Variants in SLC44A5 observed in about 807,000 individuals in gnomAD.
The protein encoded by SLC44A5 is solute carrier family 44 member 5, also known as choline transporter-like protein 5.
SLC44A5 carries 57 observed loss-of-function variants against 101.8 expected under a neutral mutation model. The ratio of observed to expected loss-of-function variants is 0.56; its 90% CI spans 0.45 to 0.70. The LOEUF is 0.70. SLC44A5 is among the 30% of genes least tolerant of loss of function. SLC44A5 has a pLI of 0.00. For missense variants in SLC44A5, 737 were observed against 853.1 expected, an observed-to-expected ratio of 0.86 and a Z score of 1.70; for synonymous variants, 281 against 290.9, an observed-to-expected ratio of 0.97 and a Z score of 0.35.
At chr1:75,416,634 C>T (rs1045153129) in intron 2 of SLC44A5, among the ~76,000 whole-genome samples, 27 of 152,154 alleles carry the variant, frequency 1.8e-4, no homozygotes, top group African/African-American at 4.8e-4. Context: ...TGCAGACACT[C>T]GACACCAGCC....
the SLC44A5 span, among the ~76,000 whole-genome samples, chr1:75,711,130 G>T: frequency 1.1e-4 from 17 of 152,076 alleles, no homozygotes; most frequent in African/African-American, 4.1e-4. Flanking sequence ...ATCATTTTGT[G>T]CCAGGCTATT....
intron 1 of SLC44A5, among the ~76,000 whole-genome samples, chr1:75,610,704 C>T (rs751854969): frequency 1.3e-5 from 2 of 151,814 alleles, no homozygotes; most frequent in Admixed American, 6.6e-5. Context: ...CATCTCAGCC[C>T]GAAATATTGT....
chr1:75,238,763 A>G (rs1015707483), intron 9 of SLC44A5, 127 bp from the exon 10 acceptor site: 6 of 525,302 alleles, frequency 1.1e-5, no homozygotes, highest in African/African-American at 9.8e-5. Flanking sequence ...CTCAATATAG[A>G]TAGCTCATTG....
At chr1:75,653,518 C>T in the SLC44A5 span, among the ~76,000 whole-genome samples, 2 of 152,034 alleles carry the variant, frequency 1.3e-5, no homozygotes, top group Admixed American at 1.3e-4. Flanking sequence ...AGAGCCAATC[C>T]AACATCTGAA....
At chr1:75,629,817 C>T in the SLC44A5 span, among the ~76,000 whole-genome samples, 3 of 151,916 alleles carry the variant, frequency 2.0e-5, no homozygotes, top group South Asian at 6.2e-4. Flanking sequence ...TTAATGAGAA[C>T]ATAAAATCAA....
chr1:75,216,326 C>T (rs1177768107), intron 18 of SLC44A5, among the ~76,000 whole-genome samples: 2 of 151,948 alleles, frequency 1.3e-5, no homozygotes. Context: ...GTACATAACA[C>T]ATTTTGTTTA....
intron 3 of SLC44A5, among the ~76,000 whole-genome samples, chr1:75,349,719 T>C (rs72682100): frequency 3.7e-4 from 57 of 152,266 alleles, no homozygotes; most frequent in Admixed American, 2.0e-3. Flanking sequence ...CAATAATTAA[T>C]AAAGTCTTGT....
intron 1 of SLC44A5, among the ~76,000 whole-genome samples, chr1:75,591,508 G>T (rs398851): frequency 0.67 from 102,533 of 151,940 alleles, 34,955 homozygotes; most frequent in East Asian, 0.84. Flanking sequence ...ATATTGTTCT[G>T]TAGTTTTCTT....
intron 2 of SLC44A5, 71 bp downstream of exon 2, chr1:75,541,364 A>G (rs1671347059): frequency 8.8e-7 from 1 of 1,142,024 alleles, no homozygotes; most frequent in African/African-American, 1.6e-5. Context: ...TCCTTATTTA[A>G]TATTAAATAA....
At chr1:75,635,863 G>C in the SLC44A5 span, among the ~76,000 whole-genome samples, 1 of 151,766 alleles carries the variant, frequency 6.6e-6, no homozygotes, top group Non-Finnish European at 1.5e-5. Flanking sequence ...TCTTGACTCT[G>C]CCATTTAATA....
At chr1:75,630,875 C>T in the SLC44A5 span, among the ~76,000 whole-genome samples, 2 of 152,160 alleles carry the variant, frequency 1.3e-5, no homozygotes, top group Admixed American at 1.3e-4. Flanking sequence ...TCTTTCAGGT[C>T]CCCAACTATG....
chr1:75,414,437 G>A (rs1663503087), intron 2 of SLC44A5, among the ~76,000 whole-genome samples: 1 of 151,836 alleles, frequency 6.6e-6, no homozygotes, highest in Admixed American at 6.6e-5. Flanking sequence ...TATTTACAGA[G>A]TATCTACATT....
intron 2 of SLC44A5, among the ~76,000 whole-genome samples, chr1:75,498,484 T>C (rs573463952): frequency 7.2e-5 from 11 of 152,294 alleles, no homozygotes; most frequent in Admixed American, 7.2e-4. Context: ...CATAGGAAAA[T>C]ATGGTACTCA....
the SLC44A5 span, among the ~76,000 whole-genome samples, chr1:75,646,300 T>G: frequency 3.3e-5 from 5 of 150,158 alleles, no homozygotes; most frequent in African/African-American, 1.2e-4. Flanking sequence ...TATCCTCTTT[T>G]ATTTCATTGA....
intron 1 of SLC44A5, among the ~76,000 whole-genome samples, chr1:75,554,826 T>A (rs1004796258): frequency 6.6e-6 from 1 of 151,944 alleles, no homozygotes; most frequent in Non-Finnish European, 1.5e-5. Context: ...TACAAAAAAA[T>A]AAGATACTGC....
intron 2 of SLC44A5, among the ~76,000 whole-genome samples, chr1:75,454,266 TTCATC>T (rs1666065420): frequency 6.6e-6 from 1 of 152,100 alleles, no homozygotes; most frequent in African/African-American, 2.4e-5. Context: ...ATAAATGTGA[TTCATC>T]TTATAAACAG....
the SLC44A5 span, among the ~76,000 whole-genome samples, chr1:75,674,086 A>G: frequency 2.0e-5 from 3 of 152,178 alleles, no homozygotes; most frequent in African/African-American, 7.2e-5. Flanking sequence ...GGCACCAGTC[A>G]CAGAGAGAGA....
In SLC44A5 at chr1:75,234,202, C is replaced by A. The variant is rs997184808; in HGVS notation, c.741-104G>T. 8.1e-5 allele frequency: 60 copies of A among 743,256 alleles called. No homozygotes were observed. In the Middle Eastern group the frequency reaches 1.2e-3, roughly 14 times the overall value. The allele number at this position is 743,256 out of a possible 1,614,324, so 46.0% of individuals were successfully genotyped here. Reference sequence around the variant, plus strand: ...TTCTATTCAAAATTATTCTTAAATTCTTTTATTTTACCTGGCTATAGAAAC... The same window carrying A: ...TTCTATTCAAAATTATTCTTAAATTATTTTATTTTACCTGGCTATAGAAAC... On this transcript the variant is annotated intron_variant, in intron 11 of 23. Transcript: ENST00000370859.
At chr1:75,444,865 C>T (rs1346189253) in intron 2 of SLC44A5, among the ~76,000 whole-genome samples, 1 of 151,980 alleles carries the variant, frequency 6.6e-6, no homozygotes, top group Non-Finnish European at 1.5e-5. Context: ...ACTCTGTTTT[C>T]TCTGTGAAGT....
Sources: allele counts gnomAD v4.1 joint callset (sites outside exome capture counted in the v4.1 genomes callset), GRCh38; gene constraint gnomAD v4.1.1; transcripts MANE v1.5; gene names NCBI Gene and HGNC (gene_info 2026-07-23, HGNC 2026-07-21).